Variants in AGAP1 observed in about 807,000 individuals in gnomAD.
AGAP1 encodes ArfGAP with GTPase domain, ankyrin repeat and PH domain 1.
Under a neutral mutation model 105.3 loss-of-function variants are expected in AGAP1, and 29 were observed. That is an observed-to-expected ratio of 0.28 (90% CI 0.21 to 0.38). AGAP1 has a LOEUF of 0.38. Among genes scored for constraint, AGAP1 ranks in the 10% least tolerant of loss-of-function variants. The probability of loss-of-function intolerance (pLI) is 1.00; values close to 1 mark genes in which losing one functional copy is unlikely to be tolerated. For synonymous variants in AGAP1, 509 were observed against 485.9 expected, an observed-to-expected ratio of 1.05 and a Z score of -0.63; for missense variants, 998 against 1,165.1, an observed-to-expected ratio of 0.86 and a Z score of 2.09.
chr2:235,531,968 A>G (rs1183223922), intron 1 of AGAP1, among the ~76,000 whole-genome samples: 1 of 152,178 alleles, frequency 6.6e-6, no homozygotes, highest in Non-Finnish European at 1.5e-5. Flanking sequence ...GGCTGTCCGC[A>G]TTAGATCGGA....
chr2:236,024,332 C>T (rs1324904408), intron 13 of AGAP1, among the ~76,000 whole-genome samples: 3 of 152,108 alleles, frequency 2.0e-5, no homozygotes, highest in Non-Finnish European at 2.9e-5. Flanking sequence ...CCACTGCGCC[C>T]GGCCCCATCA....
chr2:235,520,725 T>A (rs1490958853), intron 1 of AGAP1, among the ~76,000 whole-genome samples: 1 of 152,236 alleles, frequency 6.6e-6, no homozygotes, highest in Non-Finnish European at 1.5e-5. Flanking sequence ...TCGGGTCATG[T>A]AGGAAAGGCA....
intron 9 of AGAP1, among the ~76,000 whole-genome samples, chr2:235,838,451 A>AT (rs1447277384): frequency 1.3e-5 from 2 of 152,168 alleles, no homozygotes; most frequent in East Asian, 3.9e-4. Flanking sequence ...CCTCCTTAGA[A>AT]TTTTTCCCAG....
At position 236,053,140 on chromosome 2, in the gene AGAP1, A is replaced by G. The variant is rs1455304139; in HGVS notation, c.2114+3859A>G. ...GCGGGGCTCTGGGTTCCAGTGTTAG[A>G]GGTACATGGTGTTACTGTAAGGAGA... is the stretch of plus-strand genomic sequence containing the variant. On this transcript the variant is annotated intron_variant, in intron 16 of 17. Coordinates refer to ENST00000304032, the MANE Select transcript of AGAP1 (RefSeq NM_001037131.3). The surrounding 1 kb of genome is among the most constrained non-coding windows in gnomAD (Gnocchi z 4.6). Among the ~76,000 whole-genome samples, 1 of 152,212 alleles carries G rather than the reference A, an allele frequency of 6.6e-6. No individual in the cohort carries two copies. The highest frequency in any genetic ancestry group is 1.5e-5 in the Non-Finnish European group (1 of 68,048).
In AGAP1 at chr2:235,754,757, CTG is replaced by C. The variant is rs1953772955; in HGVS notation, c.673+4272_673+4273del. On this transcript the variant is annotated intron_variant, in intron 6 of 17. Coordinates refer to ENST00000304032, the MANE Select transcript of AGAP1 (RefSeq NM_001037131.3). The surrounding 1 kb of genome is among the most constrained non-coding windows in gnomAD (Gnocchi z 4.6). ...CATCTGAGCACCAGCTTCCCACACACTGTGCGTCTGGTCAGGGGCTAGAGGCA... is the reference window on the plus strand; with the variant it reads ...CATCTGAGCACCAGCTTCCCACACACTGCGTCTGGTCAGGGGCTAGAGGCA... Among the ~76,000 whole-genome samples, 1 of 152,214 alleles carries C rather than the reference CTG, an allele frequency of 6.6e-6. No homozygotes were observed.
Position 235,872,247 on chromosome 2 carries a change from T to C in AGAP1, c.1051-11098T>C, listed in dbSNP as rs1246130417. Among the ~76,000 whole-genome samples, 1 of 151,622 alleles carries C rather than the reference T, an allele frequency of 6.6e-6. No homozygotes were observed. Among genetic ancestry groups the C allele is most frequent in the East Asian group, 1.9e-4 (1 of 5,164 alleles). ...AGCATCTGGTTCAGAGTGAGCCCAA[T>C]ATTGCATAGAAATAAAAAAAAAAAG... On this transcript the variant is annotated intron_variant, in intron 9 of 17. Transcript: ENST00000304032. The surrounding 1 kb of genome is among the most constrained non-coding windows in gnomAD (Gnocchi z 4.5).
intron 6 of AGAP1, among the ~76,000 whole-genome samples, chr2:235,763,555 G>T (rs1259661900): frequency 6.6e-6 from 1 of 152,090 alleles, no homozygotes; most frequent in Non-Finnish European, 1.5e-5. Context: ...ATTTCCCGAG[G>T]ATCCATCTCT....
chr2:235,764,007 G>A (rs950597776), intron 6 of AGAP1, among the ~76,000 whole-genome samples: 3 of 152,038 alleles, frequency 2.0e-5, no homozygotes, highest in Non-Finnish European at 4.4e-5. Flanking sequence ...TGATCCGTGC[G>A]TGGCTGTGAC....
In AGAP1 at chr2:235,638,775, C is replaced by G. The variant is rs1575017501; in HGVS notation, c.164-70404C>G. ...TGAGGCCGGAGGAGGAGGGAGCAGC[C>G]AGGAAGCTGGTTACAACCCAGGCGG... On this transcript the variant is annotated intron_variant, in intron 1 of 17. Transcript: ENST00000304032. Among the ~76,000 whole-genome samples the G allele has an allele frequency of 7.9e-5, 12 of 152,298 alleles. No homozygotes were observed. In the South Asian group the frequency reaches 2.5e-3, roughly 32 times the overall value.
In AGAP1 at chr2:235,535,494, A is replaced by T. The variant is rs1250465231; in HGVS notation, c.163+40645A>T. Among the ~76,000 whole-genome samples, 3 of 3,552 alleles carry T rather than the reference A, an allele frequency of 8.4e-4. No homozygotes were observed. Among genetic ancestry groups the T allele is most frequent in the Non-Finnish European group, 1.1e-3 (3 of 2,756 alleles). 2.3% of individuals were successfully genotyped at this position (3,552 alleles called of 152,430 possible). A position where few individuals can be genotyped will look rare whatever the true frequency, so the allele number is the denominator to read the frequency against. On this transcript the variant is annotated intron_variant, in intron 1 of 17. Transcript: ENST00000304032. The surrounding 1 kb of genome is among the most constrained non-coding windows in gnomAD (Gnocchi z 5.1). ...GATCTTAGGGTAGTATTTTGGATTT[A>T]AAAAAAAAAAAAACATGAAATGAAA...
chr2:236,074,788 C>G (rs1351298719), intron 16 of AGAP1, among the ~76,000 whole-genome samples: 1 of 152,144 alleles, frequency 6.6e-6, no homozygotes, highest in Non-Finnish European at 1.5e-5. Context: ...GGCATGGTGG[C>G]TCATGCCTGT....
At chr2:235,885,475 C>T (rs1455897457) in intron 10 of AGAP1, among the ~76,000 whole-genome samples, 1 of 152,220 alleles carries the variant, frequency 6.6e-6, no homozygotes, top group African/African-American at 2.4e-5. Context: ...ACATTCCTAG[C>T]AATTGGCTTC....
At chr2:235,591,126 G>A (rs568598089) in intron 1 of AGAP1, among the ~76,000 whole-genome samples, 31 of 151,430 alleles carry the variant, frequency 2.0e-4, no homozygotes, top group African/African-American at 7.0e-4. Context: ...AGCAATTTTC[G>A]TGCCTCAGCC....
chr2:235,608,119 T>C lies in AGAP1; in HGVS notation c.164-101060T>C, dbSNP rs1037519751. 1.3e-5 allele frequency among the ~76,000 whole-genome samples: 2 copies of C among 152,166 alleles called. No homozygotes were observed. The highest frequency in any genetic ancestry group is 2.4e-5 in the African/African-American group (1 of 41,446). The stretch of plus-strand genomic sequence containing the variant: ...ACGTTGACCGGGTCGTTTTTAGCTT[T>C]GCCCACTTTTCATTTTTGGCTTCAC... On this transcript the variant is annotated intron_variant, in intron 1 of 17. Transcript: ENST00000304032. This position sits in a 1 kb window ranked among gnomAD's most constrained non-coding sequence, Gnocchi z 5.4.
chr2:235,567,022 C>T (rs1944369083), intron 1 of AGAP1, among the ~76,000 whole-genome samples: 1 of 152,196 alleles, frequency 6.6e-6, no homozygotes, highest in Non-Finnish European at 1.5e-5. Context: ...CTCTTCCCGG[C>T]ATGTGTCTTC....
intron 1 of AGAP1, among the ~76,000 whole-genome samples, chr2:235,674,734 G>A (rs914969480): frequency 3.4e-5 from 5 of 147,688 alleles, no homozygotes; most frequent in Non-Finnish European, 7.4e-5. Flanking sequence ...TCTGTTGCCA[G>A]GCTGGAGTGC....
chr2:236,095,752 A>T lies in AGAP1; in HGVS notation c.2115-24440A>T, dbSNP rs2059176750. Reference sequence around the variant, plus strand: ...CTTTTAAAAATTTTGACATATGAAGAAGTATATTAGTTCAGGGCTAGATTA... The same window carrying T: ...CTTTTAAAAATTTTGACATATGAAGTAGTATATTAGTTCAGGGCTAGATTA... On this transcript the variant is annotated intron_variant, in intron 16 of 17. Coordinates refer to ENST00000304032, the MANE Select transcript of AGAP1 (RefSeq NM_001037131.3). The surrounding 1 kb of genome is among the most constrained non-coding windows in gnomAD (Gnocchi z 4.1). Among the ~76,000 whole-genome samples, 1 of 152,196 alleles carries T rather than the reference A, an allele frequency of 6.6e-6. No individual in the cohort carries two copies. The highest frequency in any genetic ancestry group is 2.4e-5 in the African/African-American group (1 of 41,456).
At chr2:235,682,375 C>T (rs957319529) in intron 1 of AGAP1, among the ~76,000 whole-genome samples, 2 of 151,708 alleles carry the variant, frequency 1.3e-5, no homozygotes, top group African/African-American at 4.9e-5. Context: ...TGGAGTCTCA[C>T]TCTGTTGCCC....
chr2:235,703,743 C>T (rs961276080), intron 1 of AGAP1, among the ~76,000 whole-genome samples: 7 of 152,072 alleles, frequency 4.6e-5, no homozygotes, highest in East Asian at 1.9e-4. Context: ...ATTACAGGCA[C>T]CTGCCACCAT....
Sources: allele counts gnomAD v4.1 joint callset (sites outside exome capture counted in the v4.1 genomes callset), GRCh38; gene constraint gnomAD v4.1.1; non-coding constraint Gnocchi (gnomAD v3.1); transcripts MANE v1.5; gene names NCBI Gene and HGNC (gene_info 2026-07-23, HGNC 2026-07-21).